Variants in PCDHGB3 observed in about 807,000 individuals in gnomAD.
PCDHGB3 encodes the protein protocadherin gamma-B3.
In PCDHGB3, 40 loss-of-function variants were observed where a neutral mutation model predicts 59.2. The observed-to-expected ratio is 0.68, with a 90% confidence interval of 0.52 to 0.88. PCDHGB3 has a LOEUF of 0.88. Among genes scored for constraint, PCDHGB3 ranks in the 40% least tolerant of loss-of-function variants. The pLI, the probability that PCDHGB3 is intolerant of heterozygous loss-of-function variation, is 0.00. For synonymous variants in PCDHGB3, 581 were observed against 503.6 expected (o/e 1.15, Z -2.06); for missense variants, 1,309 against 1,187.9 (o/e 1.10, Z -1.50).
intron 1 of PCDHGB3, chr5:141,410,184 A>G: frequency 6.2e-7 from 1 of 1,613,918 alleles, no homozygotes; most frequent in Non-Finnish European, 8.5e-7. Flanking sequence ...GCCACGCTTC[A>G]TCTGGTCTTC....
chr5:141,410,524 T>A, intron 1 of PCDHGB3: 1 of 1,613,954 alleles, frequency 6.2e-7, no homozygotes. Context: ...TGCCCCTACA[T>A]TCCAATGAAG....
At chr5:141,376,831 C>A in intron 1 of PCDHGB3, 1 of 256,752 alleles carries the variant, frequency 3.9e-6, no homozygotes, top group Non-Finnish European at 7.4e-6. Context: ...GGACTACAGG[C>A]GCCCGCCACC....
At chr5:141,415,647 A>C in intron 1 of PCDHGB3, 2 of 1,599,602 alleles carry the variant, frequency 1.3e-6, no homozygotes, top group Non-Finnish European at 1.7e-6. Context: ...TTGTTAAAAA[A>C]AAAAAGATTG....
Position 141,476,279 on chromosome 5 carries a change from G to T in PCDHGB3, c.2416-18528G>T. The T allele has an allele frequency of 6.2e-7, 1 of 1,614,148 alleles. No individual in the cohort carries two copies. Among genetic ancestry groups the T allele is most frequent in the Non-Finnish European group, 8.5e-7 (1 of 1,180,024 alleles). On this transcript the variant is annotated intron_variant, in intron 1 of 3. Coordinates refer to ENST00000576222, the MANE Select transcript of PCDHGB3 (RefSeq NM_018924.5). This position sits in a 1 kb window ranked among gnomAD's most constrained non-coding sequence, Gnocchi z 7.6. ...TGTGGGCAACGTGGTCGCGAACCTT[G>T]GTTTGGATCTCGGTAGCCTCTCAGC...
intron 1 of PCDHGB3, among the ~76,000 whole-genome samples, chr5:141,446,777 C>CTT (rs1480571336): frequency 1.3e-5 from 2 of 152,072 alleles, no homozygotes; most frequent in Non-Finnish European, 2.9e-5. Flanking sequence ...GGTTACCATT[C>CTT]TTTTACTCTG....
chr5:141,418,707 G>T (rs2096282239), intron 1 of PCDHGB3: 1 of 1,614,016 alleles, frequency 6.2e-7, no homozygotes, highest in Non-Finnish European at 8.5e-7. Context: ...TCCTTCTTTG[G>T]TGTGGCTGAC....
intron 1 of PCDHGB3, chr5:141,385,331 C>T (rs1235160402): frequency 6.3e-7 from 1 of 1,585,046 alleles, no homozygotes; most frequent in African/African-American, 1.4e-5. Flanking sequence ...CAGGTGAGCC[C>T]AGCCCTTCCT....
chr5:141,375,451 C>G (rs1561567898), intron 1 of PCDHGB3: 9 of 1,614,016 alleles, frequency 5.6e-6, no homozygotes, highest in Non-Finnish European at 7.6e-6. Flanking sequence ...CCCATTCATC[C>G]TACTCAGTCT....
At chr5:141,383,526 C>T in intron 1 of PCDHGB3, 1 of 1,612,534 alleles carries the variant, frequency 6.2e-7, no homozygotes, top group Non-Finnish European at 8.5e-7. Flanking sequence ...GGGTTCACCA[C>T]CTGGTCCTCA....
Position 141,489,089 on chromosome 5 carries a change from A to G in PCDHGB3, c.2416-5718A>G. 5.6e-5 allele frequency: 16 copies of G among 284,404 alleles called. No individual in the cohort carries two copies. The highest frequency in any genetic ancestry group is 9.0e-5 in the Non-Finnish European group (14 of 156,416). The allele number at this position is 284,404 out of a possible 1,614,324, so 17.6% of individuals were successfully genotyped here. On this transcript the variant is annotated intron_variant, in intron 1 of 3. Coordinates refer to ENST00000576222, the MANE Select transcript of PCDHGB3 (RefSeq NM_018924.5). The surrounding 1 kb of genome is among the most constrained non-coding windows in gnomAD (Gnocchi z 4.5). ...CCCTGCCCACCCCCGCCACTCGGTG[A>G]CTAAGAACTGCTGCAAGCAGGCAAA...
chr5:141,424,084 A>G, intron 1 of PCDHGB3: 1 of 929,764 alleles, frequency 1.1e-6, no homozygotes, highest in Non-Finnish European at 1.3e-6. Context: ...ATATTCCACC[A>G]TTATTTGCTA....
At chr5:141,474,115 G>A (rs1404490690) in intron 1 of PCDHGB3, among the ~76,000 whole-genome samples, 2 of 152,062 alleles carry the variant, frequency 1.3e-5, no homozygotes, top group South Asian at 2.1e-4. Context: ...CAACAACAAC[G>A]AAAATCTCAG....
chr5:141,498,814 T>G (rs2099785952), intron 2 of PCDHGB3, among the ~76,000 whole-genome samples: 1 of 151,956 alleles, frequency 6.6e-6, no homozygotes. Flanking sequence ...ACACCTGTAG[T>G]CCCAGCTACT....
At chr5:141,474,881 C>A (rs2099356099) in intron 1 of PCDHGB3, among the ~76,000 whole-genome samples, 1 of 152,244 alleles carries the variant, frequency 6.6e-6, no homozygotes, top group South Asian at 2.1e-4. Context: ...AGCAGGAACT[C>A]TTAGAGGTTC....
At chr5:141,433,273 A>T in intron 1 of PCDHGB3, 1 of 1,258,988 alleles carries the variant, frequency 7.9e-7, no homozygotes. Flanking sequence ...AGCTCACTGC[A>T]GCCTCAAACT....
intron 1 of PCDHGB3, chr5:141,440,464 G>C (rs2003094): frequency 1.3e-5 from 2 of 152,150 alleles, no homozygotes; most frequent in Admixed American, 6.5e-5. Context: ...ATGAACAAAC[G>C]GTAGTTGAAA....
At chr5:141,415,597 A>G (rs1206125540) in intron 1 of PCDHGB3, 2 of 1,613,800 alleles carry the variant, frequency 1.2e-6, no homozygotes, top group South Asian at 1.1e-5. Flanking sequence ...TATAGAGGAT[A>G]CCCCATTGGT....
intron 1 of PCDHGB3, chr5:141,433,070 C>T: frequency 6.2e-7 from 1 of 1,614,174 alleles, no homozygotes; most frequent in Non-Finnish European, 8.5e-7. Flanking sequence ...CCTGATCTTC[C>T]CCCAGCCCAA....
In PCDHGB3 at chr5:141,463,735, C is replaced by T. The variant is rs1411988885; in HGVS notation, c.2416-31072C>T. On this transcript the variant is annotated intron_variant, in intron 1 of 3. Coordinates refer to ENST00000576222, the MANE Select transcript of PCDHGB3 (RefSeq NM_018924.5). ...TGCTGGGATTACAGGCATGAGCCAC[C>T]GCGCCCGGCCTGCTTCTCTTCTCTT... 3.3e-5 allele frequency among the ~76,000 whole-genome samples: 5 copies of T among 152,100 alleles called. No individual in the cohort carries two copies. The East Asian group carries it at 7.8e-4, about 24-fold the overall frequency.
Sources: gnomAD v4.1 joint callset for allele counts (sites outside exome capture counted in the v4.1 genomes callset) on GRCh38, gnomAD v4.1.1 for gene constraint, Gnocchi (gnomAD v3.1) non-coding constraint, MANE v1.5 for transcripts, NCBI Gene and HGNC (gene_info 2026-07-23, HGNC 2026-07-21) for gene names.